Variants in PDE10A observed in about 807,000 individuals in gnomAD.
PDE10A encodes cAMP and cAMP-inhibited cGMP 3',5'-cyclic phosphodiesterase 10A.
A neutral mutation model predicts 97.7 loss-of-function variants in PDE10A; 39 were observed. The ratio of observed to expected loss-of-function variants is 0.40; its 90% CI spans 0.31 to 0.52. The LOEUF (loss-of-function observed/expected upper bound fraction) is 0.52. Among genes scored for constraint, PDE10A ranks in the 20% least tolerant of loss-of-function variants. The pLI is 0.56. For synonymous variants in PDE10A, 371 were observed against 376.8 expected, an observed-to-expected ratio of 0.98 and a Z score of 0.18; for missense variants, 731 against 1,047.8, an observed-to-expected ratio of 0.70 and a Z score of 4.17.
At chr6:165,343,308 A>G (rs1782091304) in intron 19 of PDE10A, 83 bp downstream of exon 19, 19 of 962,822 alleles carry the variant, frequency 2.0e-5, no homozygotes, top group Non-Finnish European at 3.2e-5. Context: ...TATCAACATG[A>G]ACAACTAAAG....
At chr6:165,453,114 A>G (rs1465129857) in intron 3 of PDE10A, among the ~76,000 whole-genome samples, 1 of 152,232 alleles carries the variant, frequency 6.6e-6, no homozygotes, top group Non-Finnish European at 1.5e-5. Context: ...AGGGCTATAT[A>G]GAAAGCAGAA....
chr6:165,645,504 G>A (rs752041310), intron 1 of PDE10A, among the ~76,000 whole-genome samples: 56 of 152,064 alleles, frequency 3.7e-4, no homozygotes, highest in Non-Finnish European at 6.2e-4. Context: ...TTACAGACAC[G>A]CAAGCACATT....
At chr6:165,743,100 A>G (rs1792766665) in intron 1 of PDE10A, among the ~76,000 whole-genome samples, 1 of 152,202 alleles carries the variant, frequency 6.6e-6, no homozygotes. Context: ...CGCTAGTGGA[A>G]TCACTCATTC....
intron 1 of PDE10A, among the ~76,000 whole-genome samples, chr6:165,550,912 T>C (rs1435026921): frequency 6.6e-6 from 1 of 152,218 alleles, no homozygotes; most frequent in Non-Finnish European, 1.5e-5. Flanking sequence ...TAAGTATATA[T>C]ACACATTTAC....
At chr6:165,789,261 T>C (rs1778582654) in intron 1 of PDE10A, among the ~76,000 whole-genome samples, 1 of 152,256 alleles carries the variant, frequency 6.6e-6, no homozygotes, top group Admixed American at 6.5e-5. Flanking sequence ...TTCTGTTTCA[T>C]AATCCTCCAG....
chr6:165,421,570 G>A (rs532180909), intron 10 of PDE10A, among the ~76,000 whole-genome samples: 11 of 152,096 alleles, frequency 7.2e-5, no homozygotes, highest in African/African-American at 2.2e-4. Flanking sequence ...TATACCAAAC[G>A]GTAAAATAAC....
At chr6:165,520,291 G>A (rs1311273623) in intron 2 of PDE10A, among the ~76,000 whole-genome samples, 1 of 152,120 alleles carries the variant, frequency 6.6e-6, no homozygotes, top group Non-Finnish European at 1.5e-5. Flanking sequence ...ATTGTTTTAA[G>A]TTCCAAGATG....
intron 1 of PDE10A, among the ~76,000 whole-genome samples, chr6:165,669,042 C>T (rs1250365693): frequency 6.6e-6 from 1 of 152,232 alleles, no homozygotes; most frequent in Non-Finnish European, 1.5e-5. Context: ...TTACAGAAGG[C>T]TCCCGTCTAG....
intron 12 of PDE10A, 25 bp downstream of exon 12, chr6:165,416,164 A>C: frequency 1.4e-6 from 2 of 1,390,408 alleles, no homozygotes; most frequent in Non-Finnish European, 2.0e-6. Flanking sequence ...AAATCAATGG[A>C]GTGTCGACAT....
intron 3 of PDE10A, among the ~76,000 whole-genome samples, chr6:165,465,964 G>C (rs927438133): frequency 6.6e-6 from 1 of 152,094 alleles, no homozygotes; most frequent in African/African-American, 2.4e-5. Flanking sequence ...CTAAAAGAGA[G>C]GGTAGCAGAG....
intron 2 of PDE10A, among the ~76,000 whole-genome samples, chr6:165,539,742 GAAACTCTGTCTCTAATA>G (rs1361663680): frequency 6.6e-6 from 1 of 150,834 alleles, no homozygotes; most frequent in Non-Finnish European, 1.5e-5. Flanking sequence ...CCGACACGTT[GAAACTCTGTCTCTAATA>G]AAAAAAAAAA....
At chr6:165,747,319 G>C (rs907371061) in intron 1 of PDE10A, among the ~76,000 whole-genome samples, 2 of 152,096 alleles carry the variant, frequency 1.3e-5, no homozygotes, top group Admixed American at 1.3e-4. Flanking sequence ...AAGATGTCAG[G>C]CTACACACAG....
At position 165,336,979 on chromosome 6, in the gene PDE10A, G is replaced by A. The variant is rs77263505; in HGVS notation, c.2977-768C>T. On this transcript the variant is annotated intron_variant, in intron 20 of 21. Transcript: ENST00000539869. ...AGGTTTACAGCAGTGCTTTCTGCTT[G>A]TCTGTTACTCTTGGCTTTGGTGCCT... Among the ~76,000 whole-genome samples, 635 of 151,982 alleles carry A rather than the reference G, an allele frequency of 4.2e-3. 5 individuals carry two copies. Among genetic ancestry groups the A allele is most frequent in the African/African-American group, 0.014 (590 of 41,462 alleles).
chr6:165,367,375 AC>A (rs373347870), intron 18 of PDE10A, among the ~76,000 whole-genome samples: 6 of 152,212 alleles, frequency 3.9e-5, no homozygotes, highest in Middle Eastern at 3.4e-3. Flanking sequence ...AAATACACAA[AC>A]CATTACCAGT....
intron 1 of PDE10A, among the ~76,000 whole-genome samples, chr6:165,747,164 A>G (rs1792862104): frequency 6.6e-6 from 1 of 152,260 alleles, no homozygotes; most frequent in Non-Finnish European, 1.5e-5. Flanking sequence ...TGACACTTTT[A>G]CATATTTCCT....
chr6:165,470,309 T>C (rs917754599), intron 3 of PDE10A, among the ~76,000 whole-genome samples: 2 of 152,250 alleles, frequency 1.3e-5, no homozygotes, highest in Admixed American at 6.5e-5. Flanking sequence ...TTCTAACTTA[T>C]GTCTGATCTA....
At chr6:165,660,828 G>C (rs1255714229) in intron 1 of PDE10A, 1 of 152,110 alleles carries the variant, frequency 6.6e-6, no homozygotes, top group Non-Finnish European at 1.5e-5. Flanking sequence ...CTCCGGAGCC[G>C]CGCTCTGGGC....
intron 18 of PDE10A, among the ~76,000 whole-genome samples, chr6:165,344,609 T>C (rs1009546166): frequency 3.3e-5 from 5 of 152,182 alleles, no homozygotes; most frequent in African/African-American, 4.8e-5. Flanking sequence ...TCTGTCAATC[T>C]GGCAGAGACT....
chr6:165,657,429 T>G (rs535528882), intron 1 of PDE10A, among the ~76,000 whole-genome samples: 2 of 152,382 alleles, frequency 1.3e-5, no homozygotes, highest in East Asian at 3.9e-4. Flanking sequence ...AAAATATTCG[T>G]TTTACATGAA....
Sources: allele counts gnomAD v4.1 joint callset (sites outside exome capture counted in the v4.1 genomes callset), GRCh38; gene constraint gnomAD v4.1.1; transcripts MANE v1.5; gene names NCBI Gene and HGNC (gene_info 2026-07-23, HGNC 2026-07-21).